ATP13A3: variants seen among roughly 807,000 people sequenced by gnomAD.
ATP13A3 encodes the protein polyamine-transporting ATPase 13A3.
A neutral mutation model predicts 158.1 loss-of-function variants in ATP13A3; 59 were observed. The ratio of observed to expected loss-of-function variants is 0.37; its 90% CI spans 0.30 to 0.46. The LOEUF is 0.46. Among genes scored for constraint, ATP13A3 ranks in the 20% least tolerant of loss-of-function variants. The pLI, the probability that ATP13A3 is intolerant of heterozygous loss-of-function variation, is 1.00. For synonymous variants in ATP13A3, 491 were observed against 504.3 expected (o/e 0.97, Z 0.35); for missense variants, 1,166 against 1,525.2 (o/e 0.76, Z 3.92).
chr3:194,422,176 GAGA>G (rs1716439609), intron 30 of ATP13A3, among the ~76,000 whole-genome samples: 1 of 151,970 alleles, frequency 6.6e-6, no homozygotes, highest in South Asian at 2.1e-4. Flanking sequence ...TGACAGGGGA[GAGA>G]AGGATGGCTG....
intron 2 of ATP13A3, among the ~76,000 whole-genome samples, chr3:194,476,759 AGTT>A (rs1185738902): frequency 3.5e-5 from 5 of 141,270 alleles, no homozygotes; most frequent in Admixed American, 2.0e-4. Context: ...CTTCAAAGTA[AGTT>A]GTTGTTTTTT....
intron 4 of ATP13A3, 92 bp from the exon 5 acceptor site, chr3:194,460,063 TTCC>T: frequency 9.5e-7 from 1 of 1,050,588 alleles, no homozygotes; most frequent in Non-Finnish European, 1.4e-6. Context: ...AAGACATTAT[TTCC>T]TCATCTCTAA....
At chr3:194,443,210 T>C (rs939736480) in intron 15 of ATP13A3, among the ~76,000 whole-genome samples, 1 of 151,938 alleles carries the variant, frequency 6.6e-6, no homozygotes, top group East Asian at 1.9e-4. Context: ...CAAATACATA[T>C]AGGAAGGGAG....
intron 2 of ATP13A3, among the ~76,000 whole-genome samples, chr3:194,463,554 GCCC>G (rs1401401242): frequency 6.6e-6 from 1 of 151,936 alleles, no homozygotes; most frequent in Admixed American, 6.6e-5. Flanking sequence ...ATGGGTTTCA[GCCC>G]CCCGAGTGTG....
intron 2 of ATP13A3, among the ~76,000 whole-genome samples, chr3:194,468,459 T>C (rs1208973333): frequency 1.3e-5 from 2 of 150,272 alleles, no homozygotes; most frequent in Non-Finnish European, 2.9e-5. Flanking sequence ...ACATTAAATA[T>C]GCCAATTTTT....
At chr3:194,440,174 G>A (rs1327893865) in intron 16 of ATP13A3, among the ~76,000 whole-genome samples, 6 of 152,148 alleles carry the variant, frequency 3.9e-5, no homozygotes, top group African/African-American at 1.4e-4. Flanking sequence ...AGGGCAAACT[G>A]AAACCTATGG....
At chr3:194,465,574 T>C (rs1719940111) in intron 2 of ATP13A3, among the ~76,000 whole-genome samples, 1 of 152,176 alleles carries the variant, frequency 6.6e-6, no homozygotes, top group Non-Finnish European at 1.5e-5. Context: ...ATTCGGGTTT[T>C]TGCTTTAGTT....
chr3:194,412,401 A>C, intron 32 of ATP13A3, 113 bp from the exon 33 acceptor site: 2 of 782,362 alleles, frequency 2.6e-6, no homozygotes, highest in Non-Finnish European at 4.2e-6. Flanking sequence ...GGATATTTTG[A>C]TTTTCATATA....
Position 194,467,716 on chromosome 3 carries a change from A to G in ATP13A3, c.-46-5480T>C, listed in dbSNP as rs140301188. 1.0e-3 allele frequency among the ~76,000 whole-genome samples: 157 copies of G among 152,316 alleles called. 2 individuals are homozygous for G. Among genetic ancestry groups the G allele is most frequent in the African/African-American group, 3.5e-3 (144 of 41,572 alleles). On this transcript the variant is annotated intron_variant, in intron 2 of 33. Transcript: ENST00000645319. Reference sequence around the variant, plus strand: ...AAACATATTTAAATTTTAAATGTACATAAGTAAAAGCCCTGATTATTTCAA... The same window carrying G: ...AAACATATTTAAATTTTAAATGTACGTAAGTAAAAGCCCTGATTATTTCAA...
intron 2 of ATP13A3, among the ~76,000 whole-genome samples, chr3:194,473,350 G>A (rs973794169): frequency 6.6e-6 from 1 of 152,078 alleles, no homozygotes; most frequent in African/African-American, 2.4e-5. Flanking sequence ...TCTGAAAGTA[G>A]AATTTAGGAA....
At position 194,494,234 on chromosome 3, in the gene ATP13A3, C is replaced by G; in HGVS notation, n.562G>C. 2.5e-6 allele frequency: 1 copy of G among 398,668 alleles called. No individual in the cohort carries two copies. Among genetic ancestry groups the G allele is most frequent in the Non-Finnish European group, 4.4e-6 (1 of 226,116 alleles). The allele number at this position is 398,668 out of a possible 1,614,324, so 24.7% of individuals were successfully genotyped here. The stretch of plus-strand genomic sequence containing the variant: ...GAGCCAGGACCTTCCTCAGCCACAT[C>G]TGGATCCTCAGCCCCTCACAGCACA... On this transcript the variant is annotated non_coding_transcript_exon_variant, in exon 2 of 33. Coordinates refer to the ATP13A3 transcript ENST00000687055. This position sits in a 1 kb window ranked among gnomAD's most constrained non-coding sequence, Gnocchi z 4.2.
At chr3:194,437,984 A>G (rs1397633231) in intron 17 of ATP13A3, among the ~76,000 whole-genome samples, 1 of 152,186 alleles carries the variant, frequency 6.6e-6, no homozygotes, top group Non-Finnish European at 1.5e-5. Flanking sequence ...ACATGGTGAA[A>G]CCCCATCTCT....
Position 194,403,910 on chromosome 3 carries a change from A to G in ATP13A3, c.*2009T>C. 3.4e-6 allele frequency: 1 copy of G among 290,668 alleles called. No individual in the cohort carries two copies. The highest frequency in any genetic ancestry group is 2.7e-5 in the South Asian group (1 of 37,692). The allele number at this position is 290,668 out of a possible 1,614,324, so 18.0% of individuals were successfully genotyped here. A position where few individuals can be genotyped will look rare whatever the true frequency, so the allele number is the denominator to read the frequency against. ...AAAACCCTTACTAACTCTAAATGTT[A>G]AAAAAGTGGGGGGGGGGTGTCAAAA... On this transcript the variant is annotated 3_prime_UTR_variant, in exon 34 of 34. Transcript: ENST00000645319.
chr3:194,436,263 C>T (rs1312686965), intron 20 of ATP13A3, among the ~76,000 whole-genome samples: 1 of 152,096 alleles, frequency 6.6e-6, no homozygotes, highest in Non-Finnish European at 1.5e-5. Flanking sequence ...AAAATGCTAT[C>T]CTCCAAGGTA....
At chr3:194,406,986 T>C (rs1309508320) in intron 33 of ATP13A3, among the ~76,000 whole-genome samples, 4 of 152,202 alleles carry the variant, frequency 2.6e-5, no homozygotes, top group African/African-American at 9.7e-5. Flanking sequence ...TTCTGATCAA[T>C]CCTGATGTTT....
At chr3:194,410,728 G>T (rs1715345257) in intron 33 of ATP13A3, among the ~76,000 whole-genome samples, 2 of 152,032 alleles carry the variant, frequency 1.3e-5, no homozygotes, top group Non-Finnish European at 1.5e-5. Context: ...CTAAACCGGG[G>T]TTACTCCCCT....
intron 2 of ATP13A3, among the ~76,000 whole-genome samples, chr3:194,474,797 T>C (rs577617128): frequency 5.6e-4 from 86 of 152,346 alleles, no homozygotes; most frequent in Non-Finnish European, 1.1e-3. Context: ...ACTGCTTAGA[T>C]ACAACCTTAC....
intron 31 of ATP13A3, among the ~76,000 whole-genome samples, chr3:194,418,369 G>A (rs1022524583): frequency 6.6e-6 from 1 of 151,440 alleles, no homozygotes; most frequent in Non-Finnish European, 1.5e-5. Flanking sequence ...AAAGTAAAAA[G>A]ACAAGCCACA....
At chr3:194,489,626 G>A (rs1382638063), upstream of ATP13A3, among the ~76,000 whole-genome samples, 1 of 152,110 alleles carries the variant, frequency 6.6e-6, no homozygotes, top group Non-Finnish European at 1.5e-5. This position sits in a 1 kb window ranked among gnomAD's most constrained non-coding sequence, Gnocchi z 4.1. Context: ...AACGCGTTCG[G>A]GCTTTTAAAA....
Sources: gnomAD v4.1 joint callset for allele counts (sites outside exome capture counted in the v4.1 genomes callset) on GRCh38, gnomAD v4.1.1 for gene constraint, Gnocchi (gnomAD v3.1) non-coding constraint, MANE v1.5 for transcripts, NCBI Gene and HGNC (gene_info 2026-07-23, HGNC 2026-07-21) for gene names.